The following EMSY variants were observed in gnomAD, a reference collection of about 807,000 sequenced individuals.
EMSY encodes BRCA2-interacting transcriptional repressor EMSY.
A neutral mutation model predicts 134.6 loss-of-function variants in EMSY; 26 were observed. The observed-to-expected ratio is 0.19, with a 90% confidence interval of 0.14 to 0.27. The LOEUF is 0.27. Ranked by LOEUF, EMSY falls within the 10% of genes least tolerant of loss-of-function variation. The pLI, the probability that EMSY is intolerant of heterozygous loss-of-function variation, is 1.00. For synonymous variants in EMSY, 579 were observed against 577.8 expected, an observed-to-expected ratio of 1.00 and a Z score of -0.03; for missense variants, 1,305 against 1,611.4, an observed-to-expected ratio of 0.81 and a Z score of 3.26.
At chr11:76,533,220 G>A (rs1951105582) in intron 14 of EMSY, among the ~76,000 whole-genome samples, 2 of 152,080 alleles carry the variant, frequency 1.3e-5, no homozygotes, top group African/African-American at 4.8e-5. Context: ...CTTTGTATGA[G>A]CAATAGTTGG....
At chr11:76,529,176 C>G (rs1409488441) in intron 14 of EMSY, among the ~76,000 whole-genome samples, 1 of 152,126 alleles carries the variant, frequency 6.6e-6, no homozygotes, top group Non-Finnish European at 1.5e-5. Flanking sequence ...TCATGTCTCT[C>G]AGTTATCTTA....
At chr11:76,457,310 T>G (rs1947913537) in intron 4 of EMSY, among the ~76,000 whole-genome samples, 1 of 152,210 alleles carries the variant, frequency 6.6e-6, no homozygotes, top group Non-Finnish European at 1.5e-5. Flanking sequence ...AGAGATTGAT[T>G]ATTTCGGAGT....
chr11:76,495,680 T>G (rs1379145560), intron 8 of EMSY, among the ~76,000 whole-genome samples: 1 of 152,182 alleles, frequency 6.6e-6, no homozygotes, highest in Non-Finnish European at 1.5e-5. Context: ...TTTTTCTGTT[T>G]TTATTAAAAT....
At chr11:76,468,063 A>T (rs1948429762) in intron 7 of EMSY, among the ~76,000 whole-genome samples, 1 of 152,040 alleles carries the variant, frequency 6.6e-6, no homozygotes. Flanking sequence ...TTAACTTTTC[A>T]GTCTTCTTCG....
At chr11:76,458,504 T>TA in intron 5 of EMSY, 146 bp downstream of exon 6, 1 of 833,666 alleles carries the variant, frequency 1.2e-6, no homozygotes, top group Non-Finnish European at 1.7e-6. Context: ...ATTCTGAAAT[T>TA]AGACTGCCAG....
At chr11:76,502,453 T>TAA (rs557140463) in intron 9 of EMSY, among the ~76,000 whole-genome samples, 2 of 126,340 alleles carry the variant, frequency 1.6e-5, no homozygotes, top group Admixed American at 1.6e-4. Flanking sequence ...TTTATATTAT[T>TAA]AAAAAAAAAA....
At chr11:76,493,268 A>G (rs1306033717) in intron 8 of EMSY, among the ~76,000 whole-genome samples, 2 of 152,144 alleles carry the variant, frequency 1.3e-5, no homozygotes, top group Admixed American at 6.5e-5. Flanking sequence ...TTGGGTGCCA[A>G]TGAGCACGGG....
chr11:76,491,099 A>G (rs1949403489), intron 8 of EMSY, among the ~76,000 whole-genome samples: 1 of 151,614 alleles, frequency 6.6e-6, no homozygotes, highest in African/African-American at 2.4e-5. Flanking sequence ...TCCCCTGTGC[A>G]GGTGCTGTCC....
At chr11:76,483,015 A>G (rs1949041463) in intron 8 of EMSY, among the ~76,000 whole-genome samples, 1 of 152,222 alleles carries the variant, frequency 6.6e-6, no homozygotes, top group African/African-American at 2.4e-5. Flanking sequence ...AGGTAGGGTT[A>G]CCCACAAAGG....
intron 9 of EMSY, among the ~76,000 whole-genome samples, chr11:76,505,995 C>G (rs1030294941): frequency 7.2e-5 from 11 of 152,086 alleles, no homozygotes; most frequent in Non-Finnish European, 1.6e-4. Context: ...AAGACCCCAA[C>G]TCTACAAAAA....
At chr11:76,533,911 A>G (rs574339711) in intron 14 of EMSY, among the ~76,000 whole-genome samples, 3 of 152,298 alleles carry the variant, frequency 2.0e-5, no homozygotes, top group Admixed American at 2.0e-4. Flanking sequence ...CATAAGCCAA[A>G]AGTAGGAGAG....
At position 76,472,733 on chromosome 11, in the gene EMSY, G is replaced by A. The variant is rs376862886; in HGVS notation, c.1001G>A (p.Ser334Asn). 2.5e-6 allele frequency: 4 copies of A among 1,613,848 alleles called. No individual in the cohort carries two copies. In the African/African-American group the frequency reaches 4.0e-5, roughly 16 times the overall value. The change falls in exon 8 of 21, where the codon AGC (serine) becomes AAC (asparagine). Residue 334 changes from serine (S) to asparagine (N), a missense_variant. Transcript: ENST00000334736. ...TCACAGTCCTCTCTGGTCAGTAATA[G>A]CAGCAGTGGCAGCAGCAGTTCTACA...
At chr11:76,546,822 A>G (rs1951671227) in intron 20 of EMSY, among the ~76,000 whole-genome samples, 1 of 152,178 alleles carries the variant, frequency 6.6e-6, no homozygotes, top group Non-Finnish European at 1.5e-5. Context: ...TTCTAAGGTG[A>G]TATTTTAAAA....
chr11:76,491,686 G>A (rs747451240), intron 8 of EMSY, among the ~76,000 whole-genome samples: 12 of 152,320 alleles, frequency 7.9e-5, no homozygotes, highest in East Asian at 3.9e-4. Flanking sequence ...AGCTCACACC[G>A]TGGAAGCCCA....
At chr11:76,539,673 G>A (rs1951358952) in intron 17 of EMSY, 33 bp downstream of exon 18, 1 of 1,600,990 alleles carries the variant, frequency 6.2e-7, no homozygotes, top group Non-Finnish European at 8.6e-7. Flanking sequence ...TAGTATCACT[G>A]AAGGTAAAAG....
At chr11:76,475,368 C>T (rs1221886355) in intron 8 of EMSY, among the ~76,000 whole-genome samples, 2 of 152,238 alleles carry the variant, frequency 1.3e-5, no homozygotes, top group Middle Eastern at 3.4e-3. Context: ...TATCTTGAAG[C>T]AAAATGAATA....
At chr11:76,501,614 A>G (rs1475809087) in intron 9 of EMSY, among the ~76,000 whole-genome samples, 2 of 152,156 alleles carry the variant, frequency 1.3e-5, no homozygotes, top group African/African-American at 2.4e-5. Context: ...TGCAAATCTG[A>G]AAAACGATCA....
At chr11:76,520,132 G>T (rs1950592011) in intron 11 of EMSY, among the ~76,000 whole-genome samples, 1 of 151,922 alleles carries the variant, frequency 6.6e-6, no homozygotes, top group African/African-American at 2.4e-5. Flanking sequence ...TAGAATTTCA[G>T]AAATTTATAA....
At chr11:76,549,985 A>G in exon 21 of EMSY, 1 of 1,613,110 alleles carries the variant, frequency 6.2e-7, no homozygotes, top group Non-Finnish European at 8.5e-7. Context: ...TTGTCACTCC[A>G]GCTCCAATGT....
Sources: gnomAD v4.1 joint callset for allele counts (sites outside exome capture counted in the v4.1 genomes callset) on GRCh38, gnomAD v4.1.1 for gene constraint, MANE v1.5 for transcripts, NCBI Gene and HGNC (gene_info 2026-07-23, HGNC 2026-07-21) for gene names.